The following PLEKHG1 variants were observed in gnomAD, a reference collection of about 807,000 sequenced individuals.
PLEKHG1 encodes pleckstrin homology and RhoGEF domain containing G1, also known as pleckstrin homology domain-containing family G member 1.
PLEKHG1 carries 44 observed loss-of-function variants against 100.8 expected under a neutral mutation model. The observed-to-expected ratio is 0.44, with a 90% CI of 0.34 to 0.56. The LOEUF is 0.56. Among genes scored for constraint, PLEKHG1 ranks in the 20% least tolerant of loss-of-function variants. The pLI, the probability that PLEKHG1 is intolerant of heterozygous loss-of-function variation, is 0.01. For missense variants in PLEKHG1, 1,545 were observed against 1,720.9 expected (o/e 0.90, Z 1.81); for synonymous variants, 640 against 662.5 (o/e 0.97, Z 0.52).
At chr6:150,840,665 T>C (rs1327265189) in exon 16 of PLEKHG1, 1 of 1,614,056 alleles carries the variant, frequency 6.2e-7, no homozygotes, top group East Asian at 2.2e-5. Context: ...TTGTGGATGC[T>C]GACTTTTCTG....
intron 2 of PLEKHG1, among the ~76,000 whole-genome samples, chr6:150,650,475 C>A (rs1300493969): frequency 6.6e-6 from 1 of 152,190 alleles, no homozygotes; most frequent in Non-Finnish European, 1.5e-5. Context: ...GATAGGACTT[C>A]AGTAACTTTC....
chr6:150,738,988 G>A (rs191995927), intron 2 of PLEKHG1, among the ~76,000 whole-genome samples: 34 of 152,276 alleles, frequency 2.2e-4, no homozygotes, highest in Admixed American at 2.2e-3. Context: ...AATGTTTAAT[G>A]GGACCTTCGA....
chr6:150,649,654 A>G (rs1358694564), intron 2 of PLEKHG1, among the ~76,000 whole-genome samples: 1 of 152,224 alleles, frequency 6.6e-6, no homozygotes, highest in Non-Finnish European at 1.5e-5. Flanking sequence ...AGGCGGGCAG[A>G]TCACCTAAGG....
rs779553877 is a variant in PLEKHG1, at chr6:150,831,451, C to T, written c.2340C>T (p.Ser780=). ...AGGCCGACTTCGTGTGCTGTGACAG[C>T]CTGAGGCCATTTGTTTCCCAAGACA... Residue 780 remains serine, a synonymous_variant, in exon 15 of 16, where the codon AGC becomes AGT. Coordinates refer to ENST00000358517, the Ensembl canonical transcript of PLEKHG1. This position sits in a 1 kb window ranked among gnomAD's most constrained non-coding sequence, Gnocchi z 4.1. The T allele has an allele frequency of 3.1e-6, 5 of 1,614,168 alleles. No homozygotes were observed. In the South Asian group the frequency reaches 5.5e-5, roughly 18 times the overall value.
At chr6:150,640,102 A>G (rs886746534) in intron 2 of PLEKHG1, among the ~76,000 whole-genome samples, 5 of 152,360 alleles carry the variant, frequency 3.3e-5, no homozygotes, top group African/African-American at 1.2e-4. Context: ...AGGGTTACCC[A>G]TCTGGCCCTA....
intron 3 of PLEKHG1, among the ~76,000 whole-genome samples, chr6:150,669,849 C>T (rs1032069201): frequency 1.3e-5 from 2 of 152,130 alleles, no homozygotes; most frequent in African/African-American, 2.4e-5. Flanking sequence ...CCACCCACCT[C>T]GGCCTCCCAC....
chr6:150,710,574 A>G (rs1781209415), intron 3 of PLEKHG1, among the ~76,000 whole-genome samples: 1 of 152,200 alleles, frequency 6.6e-6, no homozygotes, highest in Non-Finnish European at 1.5e-5. Flanking sequence ...AGGGGACGGC[A>G]TTACCCCAGA....
intron 1 of PLEKHG1, among the ~76,000 whole-genome samples, chr6:150,730,909 A>T (rs908477241): frequency 2.0e-5 from 3 of 151,948 alleles, no homozygotes; most frequent in Non-Finnish European, 4.4e-5. Flanking sequence ...CTCAAAAAAA[A>T]AAAAAGAACA....
At chr6:150,836,212 A>G (rs1777213993) in intron 15 of PLEKHG1, among the ~76,000 whole-genome samples, 1 of 152,116 alleles carries the variant, frequency 6.6e-6, no homozygotes, top group Non-Finnish European at 1.5e-5. Context: ...TCTCGTCTCT[A>G]CTAAAAATAC....
intron 2 of PLEKHG1, among the ~76,000 whole-genome samples, 153 bp downstream of exon 3, chr6:150,734,245 G>A (rs926112861): frequency 5.9e-5 from 9 of 152,208 alleles, no homozygotes; most frequent in African/African-American, 2.2e-4. Flanking sequence ...CCCTAAGGCC[G>A]TAACCCACTG....
At chr6:150,605,298 C>A (rs1776550668) in intron 1 of PLEKHG1, among the ~76,000 whole-genome samples, 1 of 152,190 alleles carries the variant, frequency 6.6e-6, no homozygotes, top group African/African-American at 2.4e-5. Flanking sequence ...ATGCGATACA[C>A]AGTGTAGCAG....
intron 1 of PLEKHG1, among the ~76,000 whole-genome samples, chr6:150,613,610 T>C (rs1261655628): frequency 6.6e-6 from 1 of 152,204 alleles, no homozygotes; most frequent in East Asian, 1.9e-4. Flanking sequence ...ATCCACTTTC[T>C]TCCTCCATCC....
intron 3 of PLEKHG1, among the ~76,000 whole-genome samples, chr6:150,666,327 T>G (rs1779393789): frequency 6.6e-6 from 1 of 152,186 alleles, no homozygotes; most frequent in Non-Finnish European, 1.5e-5. Flanking sequence ...GGCCTTCCTC[T>G]CATTACACTG....
rs189195833 is a variant in PLEKHG1 at position 150,773,623 on chromosome 6, A to G, written c.512+4885A>G. Among the ~76,000 whole-genome samples, 18 of 151,154 alleles carry G rather than the reference A, an allele frequency of 1.2e-4. No individual in the cohort carries two copies. In the Middle Eastern group the frequency reaches 0.01, roughly 86 times the overall value. On this transcript the variant is annotated intron_variant, in intron 3 of 15. Coordinates refer to ENST00000358517, the Ensembl canonical transcript of PLEKHG1. ...CCCACCCATTCTTGTCCCATACCAC[A>G]CTCCTCTGATGATCAAGCCCACATA...
chr6:150,658,268 A>G (rs757769170), intron 3 of PLEKHG1, among the ~76,000 whole-genome samples: 2 of 152,210 alleles, frequency 1.3e-5, no homozygotes, highest in African/African-American at 2.4e-5. Flanking sequence ...AAAAACTTTT[A>G]GAGTTAAGTA....
intron 3 of PLEKHG1, among the ~76,000 whole-genome samples, chr6:150,681,502 C>CAA (rs762515691): frequency 0.13 from 15,794 of 120,732 alleles, 1,064 homozygotes; most frequent in African/African-American, 0.21. Flanking sequence ...GACTCTGTCT[C>CAA]AAAAAAAAAA....
intron 2 of PLEKHG1, among the ~76,000 whole-genome samples, chr6:150,641,996 T>C (rs1188127434): frequency 6.7e-6 from 1 of 150,314 alleles, no homozygotes; most frequent in East Asian, 2.0e-4. Flanking sequence ...GAATAAAGTA[T>C]ATTTTTACAG....
intron 1 of PLEKHG1, among the ~76,000 whole-genome samples, chr6:150,613,016 A>G (rs1413723615): frequency 6.6e-6 from 1 of 152,150 alleles, no homozygotes; most frequent in Non-Finnish European, 1.5e-5. Context: ...GTAGCCTGTG[A>G]GACCCTCCCT....
chr6:150,766,153 T>G (rs931571836), intron 2 of PLEKHG1, among the ~76,000 whole-genome samples: 2 of 152,234 alleles, frequency 1.3e-5, no homozygotes, highest in Non-Finnish European at 2.9e-5. Context: ...AAGCCCTTTT[T>G]TGTGTGTACT....
Sources: gnomAD v4.1 joint callset for allele counts (sites outside exome capture counted in the v4.1 genomes callset) on GRCh38, gnomAD v4.1.1 for gene constraint, Gnocchi (gnomAD v3.1) non-coding constraint, MANE v1.5 for transcripts, NCBI Gene and HGNC (gene_info 2026-07-23, HGNC 2026-07-21) for gene names.